Variants in ENTHD1 observed in about 807,000 individuals in gnomAD.
ENTHD1 encodes the protein ENTH domain containing 1.
ENTHD1 carries 23 observed loss-of-function variants against 39.1 expected under a neutral mutation model. The ratio of observed to expected loss-of-function variants is 0.59; its 90% CI spans 0.42 to 0.83. ENTHD1 has a LOEUF of 0.83. ENTHD1 is among the 40% of genes least tolerant of loss of function. The pLI is 0.00. For missense variants in ENTHD1, 624 were observed against 705.4 expected, an observed-to-expected ratio of 0.88 and a Z score of 1.31; for synonymous variants, 230 against 258.2, an observed-to-expected ratio of 0.89 and a Z score of 1.05.
chr22:39,851,593 C>T (rs2066040359), intron 3 of ENTHD1, among the ~76,000 whole-genome samples: 1 of 152,158 alleles, frequency 6.6e-6, no homozygotes, highest in South Asian at 2.1e-4. Context: ...GAAATGAGTA[C>T]ACTTTCTCAA....
chr22:39,848,185 G>C (rs1055303394), intron 3 of ENTHD1, among the ~76,000 whole-genome samples: 3 of 152,038 alleles, frequency 2.0e-5, no homozygotes, highest in Middle Eastern at 3.4e-3. Context: ...TATCACACTT[G>C]GAATCTTTCT....
intron 2 of ENTHD1, among the ~76,000 whole-genome samples, chr22:39,885,129 T>C (rs1303919721): frequency 6.6e-6 from 1 of 152,186 alleles, no homozygotes; most frequent in African/African-American, 2.4e-5. Flanking sequence ...ATCCAGAATA[T>C]ATAAAGAACT....
intron 6 of ENTHD1, among the ~76,000 whole-genome samples, chr22:39,755,897 A>C (rs923926714): frequency 6.6e-6 from 1 of 152,240 alleles, no homozygotes; most frequent in African/African-American, 2.4e-5. Flanking sequence ...CTGACCTGCA[A>C]GAGGTCAGGT....
intron 4 of ENTHD1, among the ~76,000 whole-genome samples, chr22:39,825,123 C>T (rs1035689728): frequency 1.3e-5 from 2 of 152,222 alleles, no homozygotes; most frequent in East Asian, 3.9e-4. Flanking sequence ...AACATATGGA[C>T]TCTGTACATG....
rs74541084 is a variant in ENTHD1, at chr22:39,765,678, T to C, written c.833-69A>G. The C allele has an allele frequency of 1.0e-3, 1,427 of 1,377,798 alleles. 15 individuals carry two copies. In the African/African-American group the frequency reaches 0.019, roughly 18 times the overall value. 85.3% of individuals were successfully genotyped at this position (1,377,798 alleles called of 1,614,324 possible). A position where few individuals can be genotyped will look rare whatever the true frequency, so the allele number is the denominator to read the frequency against. Reference sequence around the variant, plus strand: ...AAAATACTCTATTTCAAATCTGTTATAATTTTAATAAATAGGATTTTTTAA... The same window carrying C: ...AAAATACTCTATTTCAAATCTGTTACAATTTTAATAAATAGGATTTTTTAA... On this transcript the variant is annotated intron_variant, in intron 5 of 6. Transcript: ENST00000325157.
chr22:39,814,816 G>A (rs1331842778), intron 5 of ENTHD1, among the ~76,000 whole-genome samples: 1 of 151,938 alleles, frequency 6.6e-6, no homozygotes, highest in Non-Finnish European at 1.5e-5. Context: ...AGTCTATATA[G>A]AATTATCTTT....
chr22:39,842,193 G>A (rs904133061), intron 3 of ENTHD1, among the ~76,000 whole-genome samples: 2 of 150,830 alleles, frequency 1.3e-5, no homozygotes, highest in East Asian at 1.9e-4. Context: ...TTCAACTTTG[G>A]TGAATCTGAC....
chr22:39,772,242 A>C (rs1315057193), intron 5 of ENTHD1, among the ~76,000 whole-genome samples: 1 of 152,156 alleles, frequency 6.6e-6, no homozygotes, highest in African/African-American at 2.4e-5. Context: ...GGGTGCTCCT[A>C]TGAGAATCTA....
chr22:39,745,104 G>A (rs2065093113), intron 6 of ENTHD1, among the ~76,000 whole-genome samples: 1 of 152,132 alleles, frequency 6.6e-6, no homozygotes. Flanking sequence ...CCTCCCAAAA[G>A]GAGATTAACA....
chr22:39,811,715 C>G (rs898965880), intron 5 of ENTHD1, among the ~76,000 whole-genome samples: 1 of 152,166 alleles, frequency 6.6e-6, no homozygotes, highest in Non-Finnish European at 1.5e-5. Flanking sequence ...TGTGATGGCT[C>G]ACGCCTGTAA....
At chr22:39,812,659 G>A (rs2065699037) in intron 5 of ENTHD1, among the ~76,000 whole-genome samples, 1 of 152,226 alleles carries the variant, frequency 6.6e-6, no homozygotes, top group African/African-American at 2.4e-5. Flanking sequence ...CCTCACCAAG[G>A]TGACCTGGCT....
intron 5 of ENTHD1, among the ~76,000 whole-genome samples, chr22:39,781,975 C>T (rs1326796667): frequency 2.0e-5 from 3 of 151,962 alleles, no homozygotes; most frequent in Admixed American, 2.0e-4. Context: ...AACAGAAAAT[C>T]TCAATAAGCC....
rs568121223 is a variant in ENTHD1, at chr22:39,788,003, A to G, written c.833-22394T>C. 3.7e-3 allele frequency among the ~76,000 whole-genome samples: 558 copies of G among 152,312 alleles called. 5 individuals are homozygous for G. Among genetic ancestry groups the G allele is most frequent in the African/African-American group, 0.012 (491 of 41,578 alleles). On this transcript the variant is annotated intron_variant, in intron 5 of 6. Coordinates refer to ENST00000325157, the MANE Select transcript of ENTHD1 (RefSeq NM_152512.4). The stretch of plus-strand genomic sequence containing the variant: ...GATTCCTTTCAAAATATTACTGCTC[A>G]TTGACAATGCACCTGGTCACCCAAG...
intron 2 of ENTHD1, chr22:39,875,312 T>C: frequency 1.6e-6 from 2 of 1,284,194 alleles, no homozygotes. Context: ...CGCAGCCCGC[T>C]CGGGCCCGTT....
At chr22:39,893,439 A>G (rs2066445077) in intron 1 of ENTHD1, 1 of 152,218 alleles carries the variant, frequency 6.6e-6, no homozygotes, top group East Asian at 1.9e-4. Context: ...AGAGAATCAG[A>G]CCAGCAATTA....
chr22:39,822,019 A>G (rs2065786687), intron 4 of ENTHD1, among the ~76,000 whole-genome samples: 1 of 152,216 alleles, frequency 6.6e-6, no homozygotes, highest in African/African-American at 2.4e-5. Context: ...GACGACAGCA[A>G]TCTCTAACTG....
intron 5 of ENTHD1, among the ~76,000 whole-genome samples, chr22:39,767,356 G>A (rs1415120672): frequency 6.6e-6 from 1 of 152,028 alleles, no homozygotes; most frequent in Non-Finnish European, 1.5e-5. Context: ...TATAAGCCAG[G>A]CGCAGTGCCT....
chr22:39,889,941 A>G lies in ENTHD1; in HGVS notation c.-155-2038T>C, dbSNP rs1018621854. Among the ~76,000 whole-genome samples the G allele has an allele frequency of 2.6e-5, 4 of 151,842 alleles. No individual in the cohort carries two copies. In the East Asian group the frequency reaches 5.8e-4, roughly 22 times the overall value. On this transcript the variant is annotated intron_variant, in intron 1 of 6. Coordinates refer to ENST00000325157, the MANE Select transcript of ENTHD1 (RefSeq NM_152512.4). Reference sequence around the variant, plus strand: ...GTGAAACCCTATCTCTACTAAAAACACAAAAAATTAGCCAGGCTTGGTGGC... The same window carrying G: ...GTGAAACCCTATCTCTACTAAAAACGCAAAAAATTAGCCAGGCTTGGTGGC...
At chr22:39,805,020 G>A (rs901538406) in intron 5 of ENTHD1, among the ~76,000 whole-genome samples, 3 of 152,138 alleles carry the variant, frequency 2.0e-5, no homozygotes, top group East Asian at 1.9e-4. Context: ...CTTGCATCTC[G>A]AGTCTGTCAA....
Sources: gnomAD v4.1 joint callset for allele counts (sites outside exome capture counted in the v4.1 genomes callset) on GRCh38, gnomAD v4.1.1 for gene constraint, MANE v1.5 for transcripts, NCBI Gene and HGNC (gene_info 2026-07-23, HGNC 2026-07-21) for gene names.